MYOF: variants seen among roughly 807,000 people sequenced by gnomAD.
The protein encoded by MYOF is fer-1-like 3, myoferlin.
MYOF carries 244 observed loss-of-function variants against 284.2 expected under a neutral mutation model. That is an observed-to-expected ratio of 0.86 (90% CI 0.77 to 0.95). The LOEUF (loss-of-function observed/expected upper bound fraction) is 0.95, where lower values mean the gene tolerates loss of function less well. MYOF is among the 40% of genes least tolerant of loss of function. MYOF has a pLI of 0.00. For synonymous variants in MYOF, 904 were observed against 919.7 expected, an observed-to-expected ratio of 0.98 and a Z score of 0.31; for missense variants, 2,496 against 2,560.6, an observed-to-expected ratio of 0.97 and a Z score of 0.54.
intron 16 of MYOF, among the ~76,000 whole-genome samples, chr10:93,393,838 G>A (rs952548917): frequency 1.3e-5 from 2 of 150,460 alleles, no homozygotes; most frequent in Non-Finnish European, 3.0e-5. Flanking sequence ...CACTGTAATG[G>A]GTGATGACAT....
chr10:93,329,860 A>C, intron 43 of MYOF, 26 bp from the exon 44 acceptor site: 1 of 1,612,366 alleles, frequency 6.2e-7, no homozygotes, highest in Non-Finnish European at 8.5e-7. Flanking sequence ...CAAGGTCAGA[A>C]TCTTCATGAT....
intron 3 of MYOF, among the ~76,000 whole-genome samples, chr10:93,444,422 A>G (rs2056368852): frequency 6.6e-6 from 1 of 152,248 alleles, no homozygotes. Flanking sequence ...GCTGAGCTAC[A>G]TATAGCAGGT....
rs1194471699 is a variant in MYOF, at chr10:93,402,842, G to A, written c.874+18C>T. ...AATGAATTTAAGACTTCATATTGAT[G>A]GGGAGAACATTACTTACCAGGTTCA... On this transcript the variant is annotated intron_variant, in intron 10 of 53. Transcript: ENST00000359263. 6 of 1,603,094 alleles carry A rather than the reference G, an allele frequency of 3.7e-6. No individual in the cohort carries two copies. Among genetic ancestry groups the A allele is most frequent in the Non-Finnish European group, 5.1e-6 (6 of 1,170,568 alleles).
chr10:93,403,948 A>G (rs72817302), intron 9 of MYOF, 75 bp downstream of exon 9: 16,181 of 1,492,876 alleles, frequency 0.011, 132 homozygotes, highest in Non-Finnish European at 0.014. Context: ...CAAGATGCGT[A>G]CATAGGAATC....
intron 19 of MYOF, among the ~76,000 whole-genome samples, chr10:93,382,265 G>A (rs370634490): frequency 1.3e-5 from 2 of 151,600 alleles, no homozygotes; most frequent in East Asian, 3.9e-4. Flanking sequence ...TTGAGACAGG[G>A]TCTCATGCTG....
chr10:93,326,491 G>C (rs1843053270), intron 45 of MYOF, among the ~76,000 whole-genome samples: 2 of 152,212 alleles, frequency 1.3e-5, no homozygotes, highest in Admixed American at 6.5e-5. Context: ...TGGGTTCATG[G>C]AGCACTGCTT....
intron 3 of MYOF, among the ~76,000 whole-genome samples, chr10:93,434,745 A>G (rs1849037644): frequency 6.6e-6 from 1 of 152,216 alleles, no homozygotes; most frequent in Non-Finnish European, 1.5e-5. Flanking sequence ...AGAAAAAAAG[A>G]TTGGATGGGA....
chr10:93,360,650 C>T (rs1256726900), intron 28 of MYOF, among the ~76,000 whole-genome samples: 1 of 152,196 alleles, frequency 6.6e-6, no homozygotes, highest in Non-Finnish European at 1.5e-5. Flanking sequence ...TTGAGAATTC[C>T]AAATGCTATT....
chr10:93,398,869 C>T (rs1023146909), intron 13 of MYOF, among the ~76,000 whole-genome samples: 4 of 152,148 alleles, frequency 2.6e-5, no homozygotes, highest in Non-Finnish European at 5.9e-5. Flanking sequence ...CTTTGACCAT[C>T]TCTGTAGGTA....
Position 93,310,529 on chromosome 10 carries a change from C to T in MYOF, c.5999+5G>A, listed in dbSNP as rs1197980076. On this transcript the variant is annotated splice_donor_5th_base_variant and intron_variant, in intron 52 of 53. Coordinates refer to ENST00000359263, the MANE Select transcript of MYOF (RefSeq NM_013451.4). ...GGGAGTGGGAGAACAAAGAAGGCCT[C>T]TCACTTTGGTAAGTCCAGCTTGGGG... 1.2e-6 allele frequency: 2 copies of T among 1,603,978 alleles called. No homozygotes were observed. The highest frequency in any genetic ancestry group is 2.2e-5 in the East Asian group (1 of 44,874).
intron 37 of MYOF, among the ~76,000 whole-genome samples, chr10:93,344,149 GATT>G (rs1844061732): frequency 6.6e-6 from 1 of 152,192 alleles, no homozygotes; most frequent in Non-Finnish European, 1.5e-5. Flanking sequence ...TTTTCTAGGG[GATT>G]ATATGTTCAT....
rs1285658739 is a variant in MYOF, at chr10:93,379,888, G to C, written c.1976C>G (p.Thr659Ser). ...CAGCCGTTCTGCCATAGCTAGGAGA[G>C]TGTTCACCGCATCCAGGCGATGACT... ...DISHRLDAVNTLLAMAERLQT... is the reference protein window; with the variant it reads ...DISHRLDAVNSLLAMAERLQT... Residue 659 changes from threonine to serine, a missense_variant, in exon 21 of 54, where the codon ACT becomes AGT. Transcript: ENST00000359263. The C allele has an allele frequency of 3.7e-6, 6 of 1,613,996 alleles. No individual in the cohort carries two copies. The highest frequency in any genetic ancestry group is 5.1e-6 in the Non-Finnish European group (6 of 1,179,988).
intron 27 of MYOF, among the ~76,000 whole-genome samples, chr10:93,363,290 T>G (rs1388570734): frequency 6.6e-6 from 1 of 152,216 alleles, no homozygotes. Context: ...GAGTGGAATA[T>G]GGATTGGGGA....
chr10:93,401,671 A>G, intron 11 of MYOF, 127 bp from the exon 12 acceptor site: 1 of 1,276,548 alleles, frequency 7.8e-7, no homozygotes, highest in South Asian at 1.5e-5. Context: ...TTGGGGCTTA[A>G]GAGTTCAGCC....
chr10:93,345,316 C>T (rs574031924), intron 37 of MYOF, among the ~76,000 whole-genome samples: 1 of 152,158 alleles, frequency 6.6e-6, no homozygotes, highest in Non-Finnish European at 1.5e-5. Context: ...CAGAAGCTAA[C>T]AGCAAGCAAG....
intron 36 of MYOF, among the ~76,000 whole-genome samples, chr10:93,348,636 C>G (rs1233102041): frequency 6.6e-6 from 1 of 151,896 alleles, no homozygotes; most frequent in African/African-American, 2.4e-5. Context: ...GGGACCCTGG[C>G]TGGCAGCATC....
intron 43 of MYOF, among the ~76,000 whole-genome samples, chr10:93,331,175 T>TAGG (rs1199494620): frequency 6.6e-6 from 1 of 152,178 alleles, no homozygotes; most frequent in Non-Finnish European, 1.5e-5. Context: ...CCATGATGGA[T>TAGG]AGGACTCTGA....
At chr10:93,475,896 T>G (rs1311693282) in intron 1 of MYOF, among the ~76,000 whole-genome samples, 1 of 152,194 alleles carries the variant, frequency 6.6e-6, no homozygotes, top group Admixed American at 6.5e-5. Flanking sequence ...ACTGAGACCC[T>G]GCAGAATGTG....
chr10:93,339,546 T>C (rs945757517), intron 39 of MYOF, among the ~76,000 whole-genome samples: 7 of 150,736 alleles, frequency 4.6e-5, no homozygotes, highest in Non-Finnish European at 1.0e-4. Context: ...CTCACTGCAT[T>C]GCAACCTCCA....
Sources: allele counts gnomAD v4.1 joint callset (sites outside exome capture counted in the v4.1 genomes callset), GRCh38; gene constraint gnomAD v4.1.1; transcripts MANE v1.5; gene names NCBI Gene and HGNC (gene_info 2026-07-23, HGNC 2026-07-21).